ITGA9: variants seen among roughly 807,000 people sequenced by gnomAD.
ITGA9 encodes integrin subunit alpha 9.
Under a neutral mutation model 127.8 loss-of-function variants are expected in ITGA9, and 56 were observed. The observed-to-expected ratio is 0.44, with a 90% CI of 0.35 to 0.55. The LOEUF is 0.55. Ranked by LOEUF, ITGA9 falls within the 20% of genes least tolerant of loss-of-function variation. The pLI is 0.00. For synonymous variants in ITGA9, 508 were observed against 514.5 expected (o/e 0.99, Z 0.17); for missense variants, 1,196 against 1,347.1 (o/e 0.89, Z 1.76).
intron 23 of ITGA9, among the ~76,000 whole-genome samples, chr3:37,756,983 G>T (rs764052338): frequency 7.2e-4 from 107 of 149,284 alleles, no homozygotes; most frequent in Non-Finnish European, 1.1e-3. Context: ...GACAGTGAGC[G>T]GTTGTTCATA....
chr3:37,583,540 T>C (rs1308966997), intron 15 of ITGA9, among the ~76,000 whole-genome samples: 4 of 152,170 alleles, frequency 2.6e-5, no homozygotes, highest in Non-Finnish European at 4.4e-5. Context: ...TTCCAGAAAA[T>C]AGCTGTCCTT....
At chr3:37,681,946 C>T (rs534373851) in intron 17 of ITGA9, among the ~76,000 whole-genome samples, 1 of 152,140 alleles carries the variant, frequency 6.6e-6, no homozygotes, top group Admixed American at 6.5e-5. Context: ...TTCCTACCAC[C>T]CATCTACTAA....
intron 15 of ITGA9, among the ~76,000 whole-genome samples, chr3:37,609,589 C>G (rs1169774511): frequency 6.6e-6 from 1 of 152,190 alleles, no homozygotes; most frequent in Non-Finnish European, 1.5e-5. Flanking sequence ...TTTTAGTTAT[C>G]TAGTGCTGCT....
intron 16 of ITGA9, among the ~76,000 whole-genome samples, chr3:37,640,788 G>A (rs1700325356): frequency 6.6e-6 from 1 of 152,232 alleles, no homozygotes; most frequent in African/African-American, 2.4e-5. Context: ...CTGGCCCAGA[G>A]CACTCACCCT....
chr3:37,628,161 T>G (rs1700194186), intron 15 of ITGA9, among the ~76,000 whole-genome samples: 2 of 152,174 alleles, frequency 1.3e-5, no homozygotes, highest in Admixed American at 1.3e-4. Context: ...TCTTCCCTGC[T>G]GCCACTCTCC....
At chr3:37,523,490 T>G in intron 11 of ITGA9, 31 bp from the exon 12 acceptor site, 1 of 1,546,542 alleles carries the variant, frequency 6.5e-7, no homozygotes, top group Admixed American at 1.7e-5. Context: ...GGTCTTTTCC[T>G]GTGACTCCAT....
In ITGA9 at chr3:37,799,312, G is replaced by A. The variant is rs1559602223; in HGVS notation, c.2890-4511G>A. ...TCCTGCCTCAGCCTCCCAAGTAGCT[G>A]GGACTACAGACATACACCATCACAC... is the stretch of plus-strand genomic sequence containing the variant. On this transcript the variant is annotated intron_variant, in intron 26 of 27. Transcript: ENST00000264741. The surrounding 1 kb of genome is among the most constrained non-coding windows in gnomAD (Gnocchi z 4.0). 6.6e-6 allele frequency among the ~76,000 whole-genome samples: 1 copy of A among 152,114 alleles called. No homozygotes were observed. The highest frequency in any genetic ancestry group is 1.5e-5 in the Non-Finnish European group (1 of 68,034).
chr3:37,732,565 G>A, intron 18 of ITGA9, 147 bp from the exon 19 acceptor site: 1 of 701,022 alleles, frequency 1.4e-6, no homozygotes, highest in Non-Finnish European at 2.6e-6. Context: ...CTGGAAGGGG[G>A]CTGGAGACGG....
intron 17 of ITGA9, among the ~76,000 whole-genome samples, chr3:37,679,860 G>C (rs1355780183): frequency 6.6e-6 from 1 of 152,126 alleles, no homozygotes; most frequent in East Asian, 1.9e-4. Context: ...TCCTACCCCT[G>C]ATGTTTAGAT....
chr3:37,564,219 G>T (rs181233744), intron 15 of ITGA9, among the ~76,000 whole-genome samples: 50 of 152,262 alleles, frequency 3.3e-4, no homozygotes, highest in African/African-American at 1.2e-3. Context: ...GAATAACTTG[G>T]CTTTATGCCT....
Position 37,811,642 on chromosome 3 carries a change from A to G in ITGA9, c.3010-7249A>G, listed in dbSNP as rs531349025. 1.7e-3 allele frequency among the ~76,000 whole-genome samples: 254 copies of G among 152,260 alleles called. 1 individual carries two copies. Among genetic ancestry groups the G allele is most frequent in the Admixed American group, 1.9e-3 (29 of 15,304 alleles). ...AAAACATACAGGCCACCACTCAGTGAAGGAGAGAGACCATATCCTCCCTCA... is the reference window on the plus strand; with the variant it reads ...AAAACATACAGGCCACCACTCAGTGGAGGAGAGAGACCATATCCTCCCTCA... On this transcript the variant is annotated intron_variant, in intron 27 of 27. Coordinates refer to ENST00000264741, the MANE Select transcript of ITGA9 (RefSeq NM_002207.3).
intron 20 of ITGA9, among the ~76,000 whole-genome samples, chr3:37,739,885 G>A (rs557051291): frequency 8.5e-5 from 13 of 152,332 alleles, no homozygotes; most frequent in African/African-American, 3.1e-4. Flanking sequence ...CCTGCCCACA[G>A]CAGTGATCCC....
intron 3 of ITGA9, among the ~76,000 whole-genome samples, chr3:37,477,420 T>C (rs1316370699): frequency 6.6e-6 from 1 of 152,232 alleles, no homozygotes; most frequent in Non-Finnish European, 1.5e-5. Flanking sequence ...ATGTGGACCA[T>C]GGACCCAGCA....
At chr3:37,587,600 C>A (rs1158957724) in intron 15 of ITGA9, among the ~76,000 whole-genome samples, 2 of 152,164 alleles carry the variant, frequency 1.3e-5, no homozygotes, top group African/African-American at 4.8e-5. Flanking sequence ...TTCACCCATC[C>A]ATTTCAACAT....
intron 3 of ITGA9, among the ~76,000 whole-genome samples, chr3:37,477,811 C>G (rs1265875497): frequency 1.3e-5 from 2 of 152,126 alleles, no homozygotes; most frequent in Non-Finnish European, 2.9e-5. Context: ...ATTTAAGCTT[C>G]TAGATTATTT....
At chr3:37,801,319 G>A (rs1164933533) in intron 26 of ITGA9, among the ~76,000 whole-genome samples, 1 of 152,132 alleles carries the variant, frequency 6.6e-6, no homozygotes, top group African/African-American at 2.4e-5. Flanking sequence ...AAGGAAGGGG[G>A]AAGGGAGCTT....
chr3:37,564,334 T>C (rs1382873611), intron 15 of ITGA9, among the ~76,000 whole-genome samples: 1 of 152,220 alleles, frequency 6.6e-6, no homozygotes, highest in East Asian at 1.9e-4. Flanking sequence ...TTTCTCTAGG[T>C]CCTTCTCATC....
chr3:37,624,200 C>CTTTTTT (rs58307041), intron 15 of ITGA9, among the ~76,000 whole-genome samples: 9,796 of 85,590 alleles, frequency 0.11, 960 homozygotes, highest in Non-Finnish European at 0.13. Context: ...AAAAAAAACC[C>CTTTTTT]TTTTTTTTTT....
intron 11 of ITGA9, among the ~76,000 whole-genome samples, chr3:37,520,504 G>A (rs532013574): frequency 3.3e-5 from 5 of 152,232 alleles, no homozygotes; most frequent in South Asian, 2.1e-4. Context: ...ACTTGTTATC[G>A]TAACCACCAT....
Sources: allele counts gnomAD v4.1 joint callset (sites outside exome capture counted in the v4.1 genomes callset), GRCh38; gene constraint gnomAD v4.1.1; non-coding constraint Gnocchi (gnomAD v3.1); transcripts MANE v1.5; gene names NCBI Gene and HGNC (gene_info 2026-07-23, HGNC 2026-07-21).